Variants in ARHGAP26 observed in about 807,000 individuals in gnomAD.
The protein encoded by ARHGAP26 is Rho GTPase activating protein 26.
Under a neutral mutation model 104.8 loss-of-function variants are expected in ARHGAP26, and 38 were observed. The ratio of observed to expected loss-of-function variants is 0.36; its 90% confidence interval spans 0.28 to 0.48. The LOEUF (loss-of-function observed/expected upper bound fraction) is 0.48. Among genes scored for constraint, ARHGAP26 ranks in the 20% least tolerant of loss-of-function variants. The probability of loss-of-function intolerance (pLI) is 0.99; values close to 1 mark genes in which losing one functional copy is unlikely to be tolerated. For synonymous variants in ARHGAP26, 341 were observed against 340.0 expected (o/e 1.00, Z -0.03); for missense variants, 704 against 947.9 (o/e 0.74, Z 3.38).
intron 20 of ARHGAP26, among the ~76,000 whole-genome samples, chr5:143,162,284 T>TACATACACACACAC (rs1554256329): frequency 6.8e-6 from 1 of 147,330 alleles, no homozygotes; most frequent in Non-Finnish European, 1.5e-5. Flanking sequence ...AACACACACA[T>TACATACACACACAC]ACACACACAC....
At chr5:142,772,808 A>G (rs979556035) in intron 1 of ARHGAP26, 3 of 533,304 alleles carry the variant, frequency 5.6e-6, no homozygotes, top group African/African-American at 1.9e-5. Flanking sequence ...AAGCCCTAGA[A>G]TTTGGACTTG....
chr5:142,856,224 G>T (rs2152285112), intron 1 of ARHGAP26, among the ~76,000 whole-genome samples: 1 of 152,306 alleles, frequency 6.6e-6, no homozygotes, highest in Middle Eastern at 3.4e-3. Flanking sequence ...ACACAGTGGG[G>T]GCCAGCCTGG....
chr5:143,085,075 T>C (rs1441349507), intron 17 of ARHGAP26, among the ~76,000 whole-genome samples: 1 of 149,888 alleles, frequency 6.7e-6, no homozygotes, highest in Non-Finnish European at 1.5e-5. Flanking sequence ...AAAGAAACGC[T>C]TTCTGCACGG....
intron 10 of ARHGAP26, among the ~76,000 whole-genome samples, chr5:142,926,509 G>A (rs936284183): frequency 6.6e-5 from 10 of 152,152 alleles, no homozygotes; most frequent in Admixed American, 1.3e-4. Flanking sequence ...GAGCTCCTTG[G>A]CAGATTTTTT....
intron 11 of ARHGAP26, among the ~76,000 whole-genome samples, chr5:142,990,004 T>G (rs561252354): frequency 3.2e-4 from 48 of 151,890 alleles, no homozygotes; most frequent in African/African-American, 1.2e-3. Flanking sequence ...TTGGCCTGCC[T>G]TTCTAGGTTG....
At chr5:143,052,328 G>A (rs1434764202) in intron 14 of ARHGAP26, among the ~76,000 whole-genome samples, 1 of 152,062 alleles carries the variant, frequency 6.6e-6, no homozygotes, top group Non-Finnish European at 1.5e-5. Context: ...AAATTAGCTG[G>A]GCATGGTGGC....
intron 1 of ARHGAP26, among the ~76,000 whole-genome samples, chr5:142,864,867 C>T (rs138948443): frequency 5.3e-4 from 81 of 152,302 alleles, no homozygotes; most frequent in African/African-American, 1.9e-3. Flanking sequence ...AGTGAGAGAC[C>T]GGGATTTAAG....
chr5:143,086,060 G>T (rs1481846493), intron 17 of ARHGAP26, among the ~76,000 whole-genome samples: 2 of 152,108 alleles, frequency 1.3e-5, no homozygotes, highest in Non-Finnish European at 2.9e-5. Context: ...GCCTTTCAGG[G>T]TTCCTTATGG....
intron 1 of ARHGAP26, among the ~76,000 whole-genome samples, chr5:142,801,849 A>G (rs549467352): frequency 9.1e-4 from 139 of 152,300 alleles, no homozygotes; most frequent in Non-Finnish European, 1.4e-3. Flanking sequence ...TTAAAAAATG[A>G]CTTTAAATCC....
At chr5:142,776,575 G>C (rs192224540) in intron 1 of ARHGAP26, among the ~76,000 whole-genome samples, 154 of 152,248 alleles carry the variant, frequency 1.0e-3, no homozygotes, top group African/African-American at 3.4e-3. Context: ...TGTATCAGTA[G>C]TTTGTTCCTT....
intron 1 of ARHGAP26, among the ~76,000 whole-genome samples, chr5:142,781,364 CTT>C (rs11332182): frequency 1.3e-5 from 2 of 151,840 alleles, no homozygotes; most frequent in African/African-American, 4.8e-5. Flanking sequence ...ATATGGTTAA[CTT>C]TTTTTTTCTA....
intron 11 of ARHGAP26, among the ~76,000 whole-genome samples, chr5:142,933,603 G>C (rs998983280): frequency 2.0e-5 from 3 of 152,178 alleles, no homozygotes; most frequent in Non-Finnish European, 2.9e-5. Flanking sequence ...CATTGCTCCA[G>C]TCATTGCCAT....
Position 142,882,441 on chromosome 5 carries a change from C to T in ARHGAP26, c.385-2857C>T, listed in dbSNP as rs77161814. On this transcript the variant is annotated intron_variant, in intron 4 of 22. Coordinates refer to ENST00000645722, the MANE Select transcript of ARHGAP26 (RefSeq NM_001135608.3). ...AAAATATGTGAGAGCCTGCTCTGTG[C>T]CAGCACTGTTCTGTGCCCTGATATT... Among the ~76,000 whole-genome samples, 28 of 152,360 alleles carry T rather than the reference C, an allele frequency of 1.8e-4. 2 individuals are homozygous for T. In the East Asian group the frequency reaches 5.2e-3, roughly 28 times the overall value.
chr5:142,926,780 A>G lies in ARHGAP26; in HGVS notation c.1029-5267A>G, dbSNP rs1763966648. Among the ~76,000 whole-genome samples the G allele has an allele frequency of 2.0e-5, 3 of 152,046 alleles. No homozygotes were observed. The South Asian group carries it at 6.2e-4, about 32-fold the overall frequency. Reference sequence around the variant, plus strand: ...GGTTGTTTCTTTTCCCTTTGAAACTATACACACCTGCCCTTCTGCAGCCGT... The same window carrying G: ...GGTTGTTTCTTTTCCCTTTGAAACTGTACACACCTGCCCTTCTGCAGCCGT... On this transcript the variant is annotated intron_variant, in intron 10 of 22. Transcript: ENST00000645722.
At chr5:142,847,899 G>T (rs1772348517) in intron 1 of ARHGAP26, among the ~76,000 whole-genome samples, 1 of 152,240 alleles carries the variant, frequency 6.6e-6, no homozygotes, top group Non-Finnish European at 1.5e-5. Context: ...TCAGGGTTGA[G>T]AATTGGGTTG....
intron 17 of ARHGAP26, among the ~76,000 whole-genome samples, chr5:143,096,866 C>A (rs1792401174): frequency 6.6e-6 from 1 of 152,144 alleles, no homozygotes; most frequent in African/African-American, 2.4e-5. Flanking sequence ...AACAGAGAAC[C>A]ACTGTCCTAA....
intron 11 of ARHGAP26, among the ~76,000 whole-genome samples, chr5:142,980,958 A>T (rs763030486): frequency 1.8e-4 from 28 of 152,088 alleles, no homozygotes; most frequent in Admixed American, 1.4e-3. Flanking sequence ...AGTAGTTGTC[A>T]TTGTCGTTGT....
At chr5:142,933,962 C>G (rs1765072791) in intron 11 of ARHGAP26, among the ~76,000 whole-genome samples, 1 of 152,156 alleles carries the variant, frequency 6.6e-6, no homozygotes, top group South Asian at 2.1e-4. Context: ...AGTACTTTCA[C>G]TCACTCCCTT....
chr5:143,214,271 G>T (rs1809986775), intron 22 of ARHGAP26, among the ~76,000 whole-genome samples, 183 bp downstream of exon 22: 2 of 152,274 alleles, frequency 1.3e-5, no homozygotes, highest in East Asian at 1.9e-4. Flanking sequence ...AATAGCAGCA[G>T]CAGGACTTCC....
Sources: allele counts gnomAD v4.1 joint callset (sites outside exome capture counted in the v4.1 genomes callset), GRCh38; gene constraint gnomAD v4.1.1; transcripts MANE v1.5; gene names NCBI Gene and HGNC (gene_info 2026-07-23, HGNC 2026-07-21).